TBC1D22A: variants seen among roughly 807,000 people sequenced by gnomAD.
TBC1D22A encodes TBC1 domain family member 22A.
TBC1D22A carries 38 observed loss-of-function variants against 60.2 expected under a neutral mutation model. The ratio of observed to expected loss-of-function variants is 0.63; its 90% confidence interval spans 0.49 to 0.83. The LOEUF (loss-of-function observed/expected upper bound fraction) is 0.83, where lower values mean the gene tolerates loss of function less well. Ranked by LOEUF, TBC1D22A falls within the 40% of genes least tolerant of loss-of-function variation. The pLI is 0.00. For synonymous variants in TBC1D22A, 302 were observed against 281.7 expected (o/e 1.07, Z -0.72); for missense variants, 628 against 701.0 (o/e 0.90, Z 1.18).
chr22:46,826,249 C>T (rs970238929), intron 4 of TBC1D22A, among the ~76,000 whole-genome samples: 1 of 152,202 alleles, frequency 6.6e-6, no homozygotes, highest in African/African-American at 2.4e-5. Context: ...AGCCGACATT[C>T]GGTACCAATG....
intron 11 of TBC1D22A, among the ~76,000 whole-genome samples, chr22:47,101,916 G>A (rs1390606738): frequency 1.3e-5 from 2 of 152,196 alleles, no homozygotes; most frequent in Non-Finnish European, 2.9e-5. Flanking sequence ...CTGGTGCAGG[G>A]TAGCTGAGCA....
chr22:46,809,420 G>A (rs1231511907), intron 4 of TBC1D22A, among the ~76,000 whole-genome samples: 1 of 152,178 alleles, frequency 6.6e-6, no homozygotes, highest in Non-Finnish European at 1.5e-5. Flanking sequence ...ACACAGTCAC[G>A]CTCTGGGAGA....
intron 7 of TBC1D22A, 93 bp downstream of exon 7, chr22:46,894,939 A>G (rs1602354178): frequency 1.4e-6 from 2 of 1,407,318 alleles, no homozygotes; most frequent in African/African-American, 1.4e-5. Flanking sequence ...GAGGTGCTTC[A>G]CCCAGAAGCA....
intron 11 of TBC1D22A, among the ~76,000 whole-genome samples, chr22:47,042,418 G>C (rs947405082): frequency 1.8e-5 from 2 of 110,910 alleles, no homozygotes; most frequent in Non-Finnish European, 3.5e-5. Flanking sequence ...GAGAGAGAGA[G>C]AGGAAGAGAG....
intron 12 of TBC1D22A, among the ~76,000 whole-genome samples, chr22:47,146,627 G>T (rs1300521370): frequency 6.6e-6 from 1 of 152,196 alleles, no homozygotes; most frequent in East Asian, 1.9e-4. Context: ...AGAGTGGGCT[G>T]CAGGAATTGA....
At chr22:47,123,017 T>G (rs1384810137) in intron 12 of TBC1D22A, among the ~76,000 whole-genome samples, 1 of 152,204 alleles carries the variant, frequency 6.6e-6, no homozygotes, top group Admixed American at 6.5e-5. Context: ...GGTTTGCACA[T>G]GGAGATTTAT....
chr22:46,766,418 C>T (rs764154220), intron 1 of TBC1D22A, among the ~76,000 whole-genome samples: 4 of 152,206 alleles, frequency 2.6e-5, no homozygotes, highest in Non-Finnish European at 4.4e-5. Context: ...CGTGAGCCAC[C>T]ACACCCAGCC....
chr22:47,046,936 T>C (rs1435062306), intron 11 of TBC1D22A, among the ~76,000 whole-genome samples: 1 of 152,204 alleles, frequency 6.6e-6, no homozygotes. Flanking sequence ...TCTGCCCCAC[T>C]CCAGGCCACA....
At chr22:47,030,517 GGTT>G (rs1434145177) in intron 10 of TBC1D22A, among the ~76,000 whole-genome samples, 1 of 152,198 alleles carries the variant, frequency 6.6e-6, no homozygotes, top group African/African-American at 2.4e-5. Flanking sequence ...CAAATATTGT[GGTT>G]GTTTCTCCAG....
At chr22:47,006,458 C>A (rs1279152748) in intron 10 of TBC1D22A, among the ~76,000 whole-genome samples, 2 of 152,194 alleles carry the variant, frequency 1.3e-5, no homozygotes, top group African/African-American at 4.8e-5. Context: ...TGGAGGTTGA[C>A]CGCCCTGTAG....
intron 11 of TBC1D22A, among the ~76,000 whole-genome samples, chr22:47,083,960 A>G (rs963909486): frequency 6.6e-6 from 1 of 152,216 alleles, no homozygotes; most frequent in Non-Finnish European, 1.5e-5. Flanking sequence ...AAAATTTACA[A>G]AATTTTGTGA....
chr22:46,790,722 T>C (rs1017182776), intron 1 of TBC1D22A, among the ~76,000 whole-genome samples: 1 of 152,176 alleles, frequency 6.6e-6, no homozygotes, highest in African/African-American at 2.4e-5. Flanking sequence ...TGTTCTCTTG[T>C]TGAATGAGCA....
chr22:46,998,546 C>T (rs929370905), intron 10 of TBC1D22A, among the ~76,000 whole-genome samples: 2 of 152,248 alleles, frequency 1.3e-5, no homozygotes, highest in African/African-American at 4.8e-5. Context: ...CTTGCAGGGC[C>T]CTGCCCGCTG....
chr22:47,099,152 G>A (rs1310588480), intron 11 of TBC1D22A, among the ~76,000 whole-genome samples: 1 of 152,208 alleles, frequency 6.6e-6, no homozygotes, highest in East Asian at 1.9e-4. Flanking sequence ...TGCTGTGCTG[G>A]GTGTCACCGT....
intron 12 of TBC1D22A, among the ~76,000 whole-genome samples, chr22:47,154,630 G>A (rs2067640328): frequency 6.6e-6 from 1 of 152,210 alleles, no homozygotes; most frequent in Non-Finnish European, 1.5e-5. Context: ...CCCTGGAGCA[G>A]GTAGCGGTTG....
chr22:46,766,866 A>C (rs2083305622), intron 1 of TBC1D22A, among the ~76,000 whole-genome samples: 1 of 152,044 alleles, frequency 6.6e-6, no homozygotes, highest in African/African-American at 2.4e-5. Context: ...AGCCTGAACT[A>C]AAGTCCCCCT....
intron 10 of TBC1D22A, among the ~76,000 whole-genome samples, chr22:47,011,611 G>T (rs1232525362): frequency 6.6e-6 from 1 of 152,200 alleles, no homozygotes; most frequent in African/African-American, 2.4e-5. Flanking sequence ...AGCCTGTGTG[G>T]CTTCACATTG....
intron 8 of TBC1D22A, chr22:46,915,101 T>C: frequency 3.4e-6 from 1 of 293,750 alleles, no homozygotes; most frequent in Non-Finnish European, 6.8e-6. Context: ...TGGGCTGCAG[T>C]GCTGAGAAGG....
intron 4 of TBC1D22A, among the ~76,000 whole-genome samples, chr22:46,862,596 C>T (rs1397816228): frequency 1.3e-5 from 2 of 152,268 alleles, no homozygotes; most frequent in East Asian, 3.9e-4. Context: ...CCAGCGAGAG[C>T]GGGGCTGCGG....
Sources: gnomAD v4.1 joint callset for allele counts (sites outside exome capture counted in the v4.1 genomes callset) on GRCh38, gnomAD v4.1.1 for gene constraint, MANE v1.5 for transcripts, NCBI Gene and HGNC (gene_info 2026-07-23, HGNC 2026-07-21) for gene names.